GARNL3: variants seen among roughly 807,000 people sequenced by gnomAD.
GARNL3 encodes the protein GTPase-activating Rap/Ran-GAP domain-like protein 3.
GARNL3 carries 63 observed loss-of-function variants against 125.0 expected under a neutral mutation model. That is an observed-to-expected ratio of 0.50 (90% CI 0.41 to 0.62). The LOEUF (loss-of-function observed/expected upper bound fraction) is 0.62. Ranked by LOEUF, GARNL3 falls within the 20% of genes least tolerant of loss-of-function variation. GARNL3 has a pLI of 0.00. For missense variants in GARNL3, 994 were observed against 1,244.0 expected (o/e 0.80, Z 3.02); for synonymous variants, 439 against 457.5 (o/e 0.96, Z 0.52).
At chr9:127,305,452 G>T (rs186192310) in intron 2 of GARNL3, among the ~76,000 whole-genome samples, 1 of 152,330 alleles carries the variant, frequency 6.6e-6, no homozygotes, top group East Asian at 1.9e-4. Flanking sequence ...GGGATGGGAA[G>T]TGTCTTGCTC....
chr9:127,248,050 T>A (rs1588681973), intron 2 of GARNL3, among the ~76,000 whole-genome samples: 1 of 152,206 alleles, frequency 6.6e-6, no homozygotes, highest in Admixed American at 6.5e-5. Context: ...TTAGACCCTT[T>A]TTAATAGCCT....
chr9:127,331,206 T>C (rs6478767), intron 7 of GARNL3, among the ~76,000 whole-genome samples: 115,401 of 152,078 alleles, frequency 0.76, 44,051 homozygotes, highest in East Asian at 0.94. Context: ...AAACCACTAC[T>C]GGCCGGGCAT....
intron 17 of GARNL3, among the ~76,000 whole-genome samples, chr9:127,352,018 C>T (rs570344887): frequency 2.0e-5 from 3 of 152,304 alleles, no homozygotes; most frequent in African/African-American, 7.2e-5. Context: ...GTACACAGCT[C>T]GGCAGCTGTA....
Position 127,231,050 on chromosome 9 carries a change from A to ATATATT in GARNL3, c.-29+6713_-29+6714insATATTT, listed in dbSNP as rs1161629810. On this transcript the variant is annotated intron_variant, in intron 1 of 10. Coordinates refer to the GARNL3 transcript ENST00000439286. The stretch of plus-strand genomic sequence containing the variant: ...TGTATATATACATATATATATATAT[A>ATATATT]TTTTTTTTTTTTTTTTTTTTTTGAG... 7.7e-3 allele frequency among the ~76,000 whole-genome samples: 688 copies of ATATATT among 89,568 alleles called. 76 individuals carry two copies. Among genetic ancestry groups the ATATATT allele is most frequent in the African/African-American group, 0.051 (644 of 12,612 alleles). 58.8% of individuals were successfully genotyped at this position (89,568 alleles called of 152,430 possible). A position where few individuals can be genotyped will look rare whatever the true frequency, so the allele number is the denominator to read the frequency against.
At chr9:127,299,999 C>T (rs539873769) in intron 2 of GARNL3, 132 of 219,158 alleles carry the variant, frequency 6.0e-4, no homozygotes, top group Non-Finnish European at 1.0e-3. Flanking sequence ...CCACCATGTC[C>T]GGCCATATAT....
intron 1 of GARNL3, chr9:127,225,378 AG>A: frequency 1.0e-6 from 1 of 982,838 alleles, no homozygotes; most frequent in Non-Finnish European, 1.2e-6. Context: ...GCTGCGGCGC[AG>A]GGGGTGCAGC....
intron 1 of GARNL3, among the ~76,000 whole-genome samples, chr9:127,238,213 T>C (rs2131154922): frequency 6.6e-6 from 1 of 152,266 alleles, no homozygotes; most frequent in Non-Finnish European, 1.5e-5. Flanking sequence ...GATCTCGAAC[T>C]CCTGACCTCG....
intron 1 of GARNL3, among the ~76,000 whole-genome samples, chr9:127,270,845 C>T (rs2063806589): frequency 6.6e-6 from 1 of 152,156 alleles, no homozygotes; most frequent in African/African-American, 2.4e-5. Flanking sequence ...TTCTGGCCCC[C>T]CAGTCCCCAT....
intron 2 of GARNL3, among the ~76,000 whole-genome samples, chr9:127,295,554 C>G (rs972991507): frequency 6.6e-6 from 1 of 152,164 alleles, no homozygotes; most frequent in African/African-American, 2.4e-5. Flanking sequence ...TTTAAGGGCT[C>G]AGTCCCACAA....
At chr9:127,282,058 C>G (rs919148844) in intron 1 of GARNL3, among the ~76,000 whole-genome samples, 5 of 152,142 alleles carry the variant, frequency 3.3e-5, no homozygotes, top group African/African-American at 9.7e-5. Flanking sequence ...GTTCTTTTGT[C>G]TGTTGTTATG....
intron 7 of GARNL3, 58 bp from the exon 8 acceptor site, chr9:127,332,216 A>G (rs1829297897): frequency 1.5e-6 from 2 of 1,343,388 alleles, no homozygotes; most frequent in Non-Finnish European, 1.1e-6. Context: ...GCCCATCTCA[A>G]AACTATATAC....
intron 2 of GARNL3, chr9:127,300,207 T>A: frequency 1.3e-5 from 4 of 316,822 alleles, no homozygotes; most frequent in Non-Finnish European, 2.6e-5. Flanking sequence ...TTTCTTCCTC[T>A]TCTGTTACTG....
At chr9:127,352,460 T>A (rs1564169475) in intron 17 of GARNL3, among the ~76,000 whole-genome samples, 1 of 152,204 alleles carries the variant, frequency 6.6e-6, no homozygotes, top group Non-Finnish European at 1.5e-5. Context: ...ATGATGGGTA[T>A]GAGGATGATC....
At chr9:127,268,387 A>G (rs562345230) in intron 1 of GARNL3, among the ~76,000 whole-genome samples, 1 of 152,318 alleles carries the variant, frequency 6.6e-6, no homozygotes, top group Admixed American at 6.5e-5. Flanking sequence ...CCAGCAAGCC[A>G]CTATTTTCTC....
intron 2 of GARNL3, among the ~76,000 whole-genome samples, chr9:127,243,710 A>T (rs1042968008): frequency 6.6e-6 from 1 of 152,244 alleles, no homozygotes; most frequent in African/African-American, 2.4e-5. Flanking sequence ...AAGCAAAAAC[A>T]TTACAATGTA....
At chr9:127,347,395 C>G (rs748532336) in intron 16 of GARNL3, among the ~76,000 whole-genome samples, 1 of 152,068 alleles carries the variant, frequency 6.6e-6, no homozygotes, top group Non-Finnish European at 1.5e-5. Context: ...GCACTCCAGC[C>G]TGGGTGACAG....
intron 1 of GARNL3, among the ~76,000 whole-genome samples, chr9:127,228,657 T>C (rs139615677): frequency 6.6e-6 from 1 of 152,216 alleles, no homozygotes. Flanking sequence ...GCACTTTTTA[T>C]TTATTTATTA....
chr9:127,303,174 A>G (rs561375971), intron 2 of GARNL3, among the ~76,000 whole-genome samples: 1 of 152,308 alleles, frequency 6.6e-6, no homozygotes, highest in African/African-American at 2.4e-5. Context: ...ATAAAAATAA[A>G]TATTCCCAAG....
intron 6 of GARNL3, among the ~76,000 whole-genome samples, chr9:127,322,028 A>G (rs1455783074): frequency 6.6e-6 from 1 of 152,206 alleles, no homozygotes; most frequent in Non-Finnish European, 1.5e-5. Context: ...TTTTTAAAAT[A>G]GTATTTACAT....
Sources: gnomAD v4.1 joint callset for allele counts (sites outside exome capture counted in the v4.1 genomes callset) on GRCh38, gnomAD v4.1.1 for gene constraint, MANE v1.5 for transcripts, NCBI Gene and HGNC (gene_info 2026-07-23, HGNC 2026-07-21) for gene names.